The following FRMD4A variants were observed in gnomAD, a reference collection of about 807,000 sequenced individuals.
FRMD4A encodes the protein FERM domain-containing protein 4A.
In FRMD4A, 29 loss-of-function variants were observed where a neutral mutation model predicts 129.1. That is an observed-to-expected ratio of 0.22 (90% CI 0.17 to 0.31). The LOEUF (loss-of-function observed/expected upper bound fraction) is 0.31. Among genes scored for constraint, FRMD4A ranks in the 10% least tolerant of loss-of-function variants. The pLI is 1.00. For synonymous variants in FRMD4A, 634 were observed against 571.6 expected (o/e 1.11, Z -1.56); for missense variants, 1,272 against 1,375.8 (o/e 0.92, Z 1.19).
chr10:14,236,560 G>T (rs537545818), intron 2 of FRMD4A, among the ~76,000 whole-genome samples: 1 of 152,284 alleles, frequency 6.6e-6, no homozygotes, highest in Admixed American at 6.5e-5. Context: ...GCCCTGCCAG[G>T]GTGCGCTGCC....
intron 15 of FRMD4A, among the ~76,000 whole-genome samples, chr10:13,689,549 C>CTT (rs34800095): frequency 0.03 from 3,845 of 128,576 alleles, 153 homozygotes; most frequent in African/African-American, 0.081. Context: ...TTAGAAGATT[C>CTT]TTTTTTTTTT....
intron 2 of FRMD4A, among the ~76,000 whole-genome samples, chr10:14,307,165 A>T (rs1236976066): frequency 2.6e-5 from 4 of 152,210 alleles, no homozygotes; most frequent in African/African-American, 9.6e-5. Flanking sequence ...CTTTGAGAAA[A>T]CATTTGCATT....
At position 13,704,171 on chromosome 10, in the gene FRMD4A, T is replaced by C. The variant is rs116613533; in HGVS notation, c.837-2693A>G. Among the ~76,000 whole-genome samples the C allele has an allele frequency of 9.5e-3, 1,442 of 152,312 alleles. 34 individuals are homozygous for C. The highest frequency in any genetic ancestry group is 0.032 in the African/African-American group (1,339 of 41,562). ...AGAGAAAAAAGGCACCACTAGGATGTGAAAAAGAGAACTGAGTGCAAGAAA... is the reference window on the plus strand; with the variant it reads ...AGAGAAAAAAGGCACCACTAGGATGCGAAAAAGAGAACTGAGTGCAAGAAA... On this transcript the variant is annotated intron_variant, in intron 13 of 24. Coordinates refer to ENST00000357447, the MANE Select transcript of FRMD4A (RefSeq NM_018027.5).
intron 2 of FRMD4A, among the ~76,000 whole-genome samples, chr10:14,104,307 C>T (rs1454738892): frequency 3.9e-5 from 6 of 152,134 alleles, no homozygotes; most frequent in Admixed American, 1.3e-4. Context: ...GTTACACCGC[C>T]ATCAAGGTCT....
chr10:13,861,618 C>T (rs1192758302), intron 2 of FRMD4A, among the ~76,000 whole-genome samples: 6 of 152,214 alleles, frequency 3.9e-5, no homozygotes, highest in Non-Finnish European at 5.9e-5. Flanking sequence ...TGCCATTCCG[C>T]ACATACAAGT....
intron 2 of FRMD4A, among the ~76,000 whole-genome samples, chr10:14,049,432 C>T (rs760721291): frequency 1.3e-4 from 20 of 152,136 alleles, no homozygotes; most frequent in African/African-American, 4.6e-4. Flanking sequence ...AGGTGGACTC[C>T]GACCTTTTAA....
intron 2 of FRMD4A, among the ~76,000 whole-genome samples, chr10:14,021,083 C>A (rs1015043443): frequency 1.3e-5 from 2 of 152,086 alleles, no homozygotes; most frequent in African/African-American, 4.8e-5. Context: ...GAAACTGAAG[C>A]TCACAAAGAC....
At chr10:14,152,916 T>C (rs1422028561) in intron 2 of FRMD4A, among the ~76,000 whole-genome samples, 2 of 151,976 alleles carry the variant, frequency 1.3e-5, no homozygotes, top group East Asian at 3.9e-4. Context: ...CCTAGAGCAG[T>C]AGAAATCTTT....
At chr10:14,293,943 GAGA>G (rs752518703) in intron 2 of FRMD4A, among the ~76,000 whole-genome samples, 38 of 150,174 alleles carry the variant, frequency 2.5e-4, no homozygotes, top group Non-Finnish European at 5.2e-4. Flanking sequence ...TAAGAAGAAG[GAGA>G]AGAATACTTG....
At chr10:13,709,070 CT>C (rs1317392858) in intron 12 of FRMD4A, among the ~76,000 whole-genome samples, 1 of 152,206 alleles carries the variant, frequency 6.6e-6, no homozygotes, top group African/African-American at 2.4e-5. Context: ...TCAAGCGATT[CT>C]TGTGCCTCAA....
At chr10:14,211,957 T>C (rs560636859) in intron 2 of FRMD4A, among the ~76,000 whole-genome samples, 2 of 152,346 alleles carry the variant, frequency 1.3e-5, no homozygotes, top group South Asian at 2.1e-4. Context: ...GGTGTTTCTC[T>C]CTGTGATGGA....
At chr10:13,744,254 A>G (rs1038753943) in intron 9 of FRMD4A, among the ~76,000 whole-genome samples, 2 of 152,122 alleles carry the variant, frequency 1.3e-5, no homozygotes, top group Non-Finnish European at 2.9e-5. Flanking sequence ...TTTACAAACT[A>G]GGCCCGCGAG....
chr10:13,802,600 T>C (rs2093277841), intron 4 of FRMD4A, among the ~76,000 whole-genome samples: 1 of 152,106 alleles, frequency 6.6e-6, no homozygotes, highest in Non-Finnish European at 1.5e-5. Context: ...TACTGGCACA[T>C]ACCATTGCAC....
At chr10:14,171,551 T>G (rs575197808) in intron 2 of FRMD4A, among the ~76,000 whole-genome samples, 1 of 152,356 alleles carries the variant, frequency 6.6e-6, no homozygotes, top group East Asian at 1.9e-4. Context: ...TCTCTGCAAC[T>G]GCCTTAATTT....
chr10:14,162,641 G>GTT lies in FRMD4A; in HGVS notation c.45+167415_45+167416dup, dbSNP rs71388160. ...TCTTGAGTTTCTCTGTTTTTTTTTT[G>GTT]TTTTTTTTTTTTTTTTTTGTATATG... On this transcript the variant is annotated intron_variant, in intron 2 of 24. Coordinates refer to ENST00000357447, the MANE Select transcript of FRMD4A (RefSeq NM_018027.5). 5.1e-3 allele frequency among the ~76,000 whole-genome samples: 598 copies of GTT among 118,314 alleles called. 3 individuals are homozygous for GTT. The highest frequency in any genetic ancestry group is 0.018 in the African/African-American group (510 of 28,604). 77.6% of individuals were successfully genotyped at this position (118,314 alleles called of 152,430 possible). A position where few individuals can be genotyped will look rare whatever the true frequency, so the allele number is the denominator to read the frequency against.
chr10:14,204,296 G>A (rs1224522621), intron 2 of FRMD4A, among the ~76,000 whole-genome samples: 2 of 151,970 alleles, frequency 1.3e-5, no homozygotes, highest in Non-Finnish European at 2.9e-5. Context: ...AGACATGATG[G>A]TGCATGCCTA....
intron 3 of FRMD4A, among the ~76,000 whole-genome samples, chr10:13,831,754 C>T (rs2093793857): frequency 6.6e-6 from 1 of 152,192 alleles, no homozygotes; most frequent in South Asian, 2.1e-4. Flanking sequence ...ATGCCAACCT[C>T]TTAACAACAT....
chr10:14,058,571 G>A (rs752728919), intron 2 of FRMD4A, among the ~76,000 whole-genome samples: 12 of 152,176 alleles, frequency 7.9e-5, no homozygotes, highest in Non-Finnish European at 5.9e-5. Flanking sequence ...TCGTAAGAAG[G>A]ATAAAGATAG....
chr10:13,654,709 C>G, intron 22 of FRMD4A, 197 bp from the exon 23 acceptor site: 2 of 583,898 alleles, frequency 3.4e-6, no homozygotes, highest in East Asian at 5.7e-5. Context: ...CATGCCCCCC[C>G]AACCTCTGCA....
Sources: gnomAD v4.1 joint callset for allele counts (sites outside exome capture counted in the v4.1 genomes callset) on GRCh38, gnomAD v4.1.1 for gene constraint, MANE v1.5 for transcripts, NCBI Gene and HGNC (gene_info 2026-07-23, HGNC 2026-07-21) for gene names.